THRA: variants seen among roughly 807,000 people sequenced by gnomAD.
THRA encodes thyroid hormone receptor alpha.
A neutral mutation model predicts 45.0 loss-of-function variants in THRA; 13 were observed. The observed-to-expected ratio is 0.29, with a 90% CI of 0.19 to 0.46. The LOEUF (loss-of-function observed/expected upper bound fraction) is 0.46, where lower values mean the gene tolerates loss of function less well. Ranked by LOEUF, THRA falls within the 20% of genes least tolerant of loss-of-function variation. The pLI, the probability that THRA is intolerant of heterozygous loss-of-function variation, is 1.00. For missense variants in THRA, 278 were observed against 556.1 expected, an observed-to-expected ratio of 0.50 and a Z score of 5.03; for synonymous variants, 195 against 214.0, an observed-to-expected ratio of 0.91 and a Z score of 0.78.
At chr17:40,065,112 G>A (rs553466095) in intron 1 of THRA, among the ~76,000 whole-genome samples, 2 of 151,958 alleles carry the variant, frequency 1.3e-5, no homozygotes, top group South Asian at 2.1e-4. Flanking sequence ...GGTTCAGGGG[G>A]GTTCCAGAGG....
In THRA at chr17:40,077,513, A is replaced by T; in HGVS notation, c.127A>T (p.Ile43Phe). The T allele has an allele frequency of 6.2e-7, 1 of 1,613,802 alleles. No homozygotes were observed. Among genetic ancestry groups the T allele is most frequent in the Non-Finnish European group, 8.5e-7 (1 of 1,179,820 alleles). Residue 43 changes from isoleucine (I) to phenylalanine (F), a missense_variant, in exon 4 of 9, where the codon ATC becomes TTC. Ile to Phe is a conservative substitution (Grantham distance 21). Coordinates refer to ENST00000450525, the MANE Select transcript of THRA (RefSeq NM_199334.5). ...CATCCTTTCCTTCCTCCCAGGGTAT[A>T]TCCCTAGTTACCTGGACAAAGACGA... ...CSLKTSMSGY[I>F]PSYLDKDEQC... is the part of the protein sequence containing the mutation.
chr17:40,074,692 G>A (rs1338752802), intron 2 of THRA, 151 bp downstream of exon 2: 9 of 801,094 alleles, frequency 1.1e-5, no homozygotes, highest in Non-Finnish European at 1.7e-5. Context: ...GGCAGATGAA[G>A]TCATGTTCAG....
At chr17:40,086,169 G>T (rs959573799) in intron 6 of THRA, among the ~76,000 whole-genome samples, 19 of 152,144 alleles carry the variant, frequency 1.2e-4, no homozygotes, top group African/African-American at 4.3e-4. Flanking sequence ...GTGAAGGAAG[G>T]CAGAAAACCA....
chr17:40,087,243 G>GGC (rs1350318983), intron 7 of THRA, among the ~76,000 whole-genome samples: 1 of 114,776 alleles, frequency 8.7e-6, no homozygotes, highest in Non-Finnish European at 1.8e-5. Context: ...CCAGCACACA[G>GGC]GCACACACAC....
chr17:40,074,378 C>G lies in THRA; in HGVS notation c.-111C>G. 8.4e-7 allele frequency: 1 copy of G among 1,185,132 alleles called. No individual in the cohort carries two copies. Among genetic ancestry groups the G allele is most frequent in the South Asian group, 1.3e-5 (1 of 77,526 alleles). 73.4% of individuals were successfully genotyped at this position (1,185,132 alleles called of 1,614,324 possible). ...AGGCGGGTATCATGGGTGCTGTGCCCTAGGGCCTGGGTGGCAGGGGGTGGG... is the reference window on the plus strand; with the variant it reads ...AGGCGGGTATCATGGGTGCTGTGCCGTAGGGCCTGGGTGGCAGGGGGTGGG... On this transcript the variant is annotated 5_prime_UTR_variant, in exon 2 of 9. Coordinates refer to ENST00000450525, the MANE Select transcript of THRA (RefSeq NM_199334.5).
At chr17:40,093,822 G>A, downstream of THRA, 1 of 1,180,174 alleles carries the variant, frequency 8.5e-7, no homozygotes, top group Non-Finnish European at 1.2e-6. The surrounding 1 kb of genome is among the most constrained non-coding windows in gnomAD (Gnocchi z 5.9). Context: ...CCCGGTGCAG[G>A]GCCTGGCATA....
In THRA at chr17:40,092,908, G is replaced by A; in HGVS notation, c.*3452G>A. The stretch of plus-strand genomic sequence containing the variant: ...GGAGGAGGGGAAGTTCGGTGATGGG[G>A]GAGGGAGGCAGGTATTTACAAGAAG... On this transcript the variant is annotated 3_prime_UTR_variant, in exon 9 of 9. Coordinates refer to ENST00000450525, the MANE Select transcript of THRA (RefSeq NM_199334.5). The A allele has an allele frequency of 6.9e-7, 1 of 1,441,976 alleles. No homozygotes were observed. The highest frequency in any genetic ancestry group is 9.3e-7 in the Non-Finnish European group (1 of 1,080,360). 89.3% of individuals were successfully genotyped at this position (1,441,976 alleles called of 1,614,324 possible).
Position 40,089,922 on chromosome 17 carries a change from T to C in THRA, c.*466T>C, listed in dbSNP as rs957023879. 1.9e-5 allele frequency: 19 copies of C among 995,120 alleles called. No homozygotes were observed. Among genetic ancestry groups the C allele is most frequent in the Non-Finnish European group, 2.3e-5 (19 of 835,980 alleles). The allele number at this position is 995,120 out of a possible 1,614,324, so 61.6% of individuals were successfully genotyped here. A position where few individuals can be genotyped will look rare whatever the true frequency, so the allele number is the denominator to read the frequency against. On this transcript the variant is annotated 3_prime_UTR_variant, in exon 9 of 9. Transcript: ENST00000450525. This position sits in a 1 kb window ranked among gnomAD's most constrained non-coding sequence, Gnocchi z 6.1. ...CTCTCTACTTCCCCAGATGCCTGGG[T>C]GCAAAGAACGGCTTGGCTTGGCTCC...
At position 40,089,813 on chromosome 17, in the gene THRA, T is replaced by C. The variant is rs1987467953; in HGVS notation, c.*357T>C. On this transcript the variant is annotated 3_prime_UTR_variant, in exon 9 of 9. Transcript: ENST00000450525. The surrounding 1 kb of genome is among the most constrained non-coding windows in gnomAD (Gnocchi z 6.1). ...AGGAGGAATGTGGGCTGGGGGAAGA[T>C]GCCCTCAACTCACCCCCTACACACA... 8.8e-7 allele frequency: 1 copy of C among 1,130,846 alleles called. No individual in the cohort carries two copies. 70.1% of individuals were successfully genotyped at this position (1,130,846 alleles called of 1,614,324 possible).
chr17:40,082,825 G>A (rs2145072828), intron 4 of THRA, among the ~76,000 whole-genome samples: 1 of 131,160 alleles, frequency 7.6e-6, no homozygotes, highest in East Asian at 2.3e-4. Flanking sequence ...GGAATGCAGT[G>A]GCGCGATCTT....
At chr17:40,064,173 C>G (rs753058087) in intron 1 of THRA, among the ~76,000 whole-genome samples, 11 of 152,094 alleles carry the variant, frequency 7.2e-5, no homozygotes, top group Admixed American at 2.6e-4. Flanking sequence ...GCTGCTGCAC[C>G]GTGGAGCTCT....
intron 6 of THRA, among the ~76,000 whole-genome samples, chr17:40,086,496 T>C (rs1987323223): frequency 6.6e-6 from 1 of 152,218 alleles, no homozygotes; most frequent in Admixed American, 6.5e-5. Flanking sequence ...CTGCTACTAC[T>C]GTTACTACCG....
intron 1 of THRA, among the ~76,000 whole-genome samples, chr17:40,073,391 G>A (rs1453061315): frequency 6.6e-6 from 1 of 152,226 alleles, no homozygotes; most frequent in African/African-American, 2.4e-5. Context: ...CTTACTAGTT[G>A]TGTGAACTTG....
chr17:40,072,740 T>C (rs1451804934), intron 1 of THRA, among the ~76,000 whole-genome samples: 2 of 147,938 alleles, frequency 1.4e-5, no homozygotes, highest in African/African-American at 2.5e-5. Context: ...GCCCAGCCCC[T>C]GGGCTTCCCC....
At chr17:40,078,177 T>C (rs945308675) in intron 4 of THRA, among the ~76,000 whole-genome samples, 3 of 152,204 alleles carry the variant, frequency 2.0e-5, no homozygotes, top group African/African-American at 7.2e-5. Flanking sequence ...ATAGTTCACT[T>C]GAAGTGTTTA....
intron 3 of THRA, 59 bp downstream of exon 3, chr17:40,076,997 G>C (rs958803597): frequency 5.2e-6 from 8 of 1,551,586 alleles, no homozygotes; most frequent in Admixed American, 1.7e-5. Flanking sequence ...ACCCAGCCAG[G>C]GCTCCTCTGG....
intron 1 of THRA, among the ~76,000 whole-genome samples, chr17:40,064,238 A>C (rs1385606776): frequency 6.6e-6 from 1 of 152,132 alleles, no homozygotes; most frequent in African/African-American, 2.4e-5. Context: ...ATCCATGCAC[A>C]TACCCACGCA....
chr17:40,081,226 T>C (rs28538478), intron 4 of THRA, among the ~76,000 whole-genome samples: 3,503 of 152,180 alleles, frequency 0.023, 147 homozygotes, highest in African/African-American at 0.081. Context: ...TTCACTGTGA[T>C]GTTCCATGAA....
chr17:40,081,530 G>A (rs1156898542), intron 4 of THRA, among the ~76,000 whole-genome samples: 1 of 152,072 alleles, frequency 6.6e-6, no homozygotes, highest in African/African-American at 2.4e-5. Context: ...GCCTCCCAGA[G>A]TGCTGGGATT....
Sources: allele counts gnomAD v4.1 joint callset (sites outside exome capture counted in the v4.1 genomes callset), GRCh38; gene constraint gnomAD v4.1.1; non-coding constraint Gnocchi (gnomAD v3.1); transcripts MANE v1.5; gene names NCBI Gene and HGNC (gene_info 2026-07-23, HGNC 2026-07-21).